The following BAHCC1 variants were observed in gnomAD, a reference collection of about 807,000 sequenced individuals.
BAHCC1 encodes the protein BAH domain and coiled-coil containing 1.
Under a neutral mutation model 88.2 loss-of-function variants are expected in BAHCC1, and 43 were observed. The ratio of observed to expected loss-of-function variants is 0.49; its 90% CI spans 0.38 to 0.63. The LOEUF is 0.63. Among genes scored for constraint, BAHCC1 ranks in the 20% least tolerant of loss-of-function variants. BAHCC1 has a pLI of 0.00. For missense variants in BAHCC1, 3,023 were observed against 1,654.8 expected, an observed-to-expected ratio of 1.83 and a Z score of -14.34; for synonymous variants, 1,510 against 745.5, an observed-to-expected ratio of 2.03 and a Z score of -16.71.
At chr17:81,427,574 G>C (rs1036667848) in intron 3 of BAHCC1, among the ~76,000 whole-genome samples, 124 of 152,234 alleles carry the variant, frequency 8.1e-4, no homozygotes, top group African/African-American at 2.9e-3. Context: ...TGGCCTTTCC[G>C]TGGCAGGGCA....
At chr17:81,462,488 C>T in intron 26 of BAHCC1, 3 of 548,394 alleles carry the variant, frequency 5.5e-6, no homozygotes, top group East Asian at 6.0e-5. Flanking sequence ...TCCACATGTC[C>T]CTGTCCCAGA....
chr17:81,440,384 T>A (rs553421018), intron 4 of BAHCC1, among the ~76,000 whole-genome samples: 40 of 152,348 alleles, frequency 2.6e-4, no homozygotes, highest in African/African-American at 7.7e-4. Context: ...GTTTTGGAAA[T>A]GGAGCTAATT....
rs571581080 is a variant in BAHCC1, at chr17:81,462,788, G to A, written c.7432G>A (p.Val2478Met). The A allele has an allele frequency of 2.2e-5, 17 of 779,418 alleles. No individual in the cohort carries two copies. Among genetic ancestry groups the A allele is most frequent in the South Asian group, 5.4e-5 (4 of 74,540 alleles). 48.3% of individuals were successfully genotyped at this position (779,418 alleles called of 1,614,324 possible). A position where few individuals can be genotyped will look rare whatever the true frequency, so the allele number is the denominator to read the frequency against. Residue 2478 changes from valine to methionine, a missense_variant, in exon 27 of 28, where the codon GTG (valine) becomes ATG (methionine). Physicochemically the swap from Val to Met is conservative, Grantham distance 21. Transcript: ENST00000675386. Reference sequence around the variant, plus strand: ...CCGGAAGCTGTTCTACAAGGCCATCGTGCGGGGCGAGGAGACCCTGCGTGT... The same window carrying A: ...CCGGAAGCTGTTCTACAAGGCCATCATGCGGGGCGAGGAGACCCTGCGTGT... Reference protein sequence around the residue: ...KARKLFYKAIVRGEETLRVGD... With the variant: ...KARKLFYKAIMRGEETLRVGD...
At chr17:81,397,091 T>TCCCCAGGCC (rs2063753399) in intron 1 of BAHCC1, 1 of 151,708 alleles carries the variant, frequency 6.6e-6, no homozygotes. Flanking sequence ...CGCCTCAGGC[T>TCCCCAGGCC]CCCCAGGCCC....
chr17:81,420,770 G>A (rs573091613), intron 2 of BAHCC1, among the ~76,000 whole-genome samples: 12 of 152,242 alleles, frequency 7.9e-5, no homozygotes, highest in South Asian at 6.2e-4. Context: ...CGGTGGCCCC[G>A]CTGACACCGC....
rs782481391 is a variant in BAHCC1 at position 81,452,767 on chromosome 17, G to A, written c.4361G>A (p.Arg1454Gln). Residue 1454 changes from arginine (R) to glutamine (Q), a missense_variant, in exon 14 of 28, where the codon CGG becomes CAG. Physicochemically the swap from Arg to Gln is conservative, Grantham distance 43 (BLOSUM62 1). Transcript: ENST00000675386. Reference sequence around the variant, plus strand: ...AGCCCTGCACGGCGGGGGCCTGGCCGGCCGAGGAAGCGCAAACACTCAAGC... The same window carrying A: ...AGCCCTGCACGGCGGGGGCCTGGCCAGCCGAGGAAGCGCAAACACTCAAGC... The part of the protein sequence containing the change: ...SRSPARRGPG[R>Q]PRKRKHSSSL... 4 of 743,250 alleles carry A rather than the reference G, an allele frequency of 5.4e-6. No homozygotes were observed. The highest frequency in any genetic ancestry group is 1.9e-5 in the Admixed American group (1 of 51,452). The allele number at this position is 743,250 out of a possible 1,614,324, so 46.0% of individuals were successfully genotyped here.
chr17:81,443,120 G>C lies in BAHCC1; in HGVS notation c.1771G>C (p.Gly591Arg), dbSNP rs782153136. ...CCCATGGGGTGTCCAGGCAGGCCAGGGCACCGCCATGGCCATCAGCGAGGA... is the reference window on the plus strand; with the variant it reads ...CCCATGGGGTGTCCAGGCAGGCCAGCGCACCGCCATGGCCATCAGCGAGGA... ...LPPWGVQAGQGTAMAISEERK... is the reference protein window; with the variant it reads ...LPPWGVQAGQRTAMAISEERK... The change falls in exon 5 of 28, where the codon GGC (glycine) becomes CGC (arginine). Residue 591 changes from glycine (G) to arginine (R), a missense_variant. Coordinates refer to ENST00000675386, the MANE Select transcript of BAHCC1 (RefSeq NM_001377448.1). 2.6e-6 allele frequency: 2 copies of C among 777,932 alleles called. No homozygotes were observed. The highest frequency in any genetic ancestry group is 2.4e-5 in the East Asian group (1 of 41,204). The allele number at this position is 777,932 out of a possible 1,614,324, so 48.2% of individuals were successfully genotyped here.
chr17:81,419,400 A>C (rs1274828100), intron 2 of BAHCC1, among the ~76,000 whole-genome samples: 1 of 152,216 alleles, frequency 6.6e-6, no homozygotes, highest in Non-Finnish European at 1.5e-5. Context: ...CGGAATGAGG[A>C]ATGTGGGGCA....
At position 81,459,134 on chromosome 17, in the gene BAHCC1, G is replaced by T; in HGVS notation, c.5686G>T (p.Ala1896Ser). The T allele has an allele frequency of 1.3e-6, 1 of 770,848 alleles. No homozygotes were observed. The highest frequency in any genetic ancestry group is 2.4e-6 in the Non-Finnish European group (1 of 413,844). 47.8% of individuals were successfully genotyped at this position (770,848 alleles called of 1,614,324 possible). A position where few individuals can be genotyped will look rare whatever the true frequency, so the allele number is the denominator to read the frequency against. ...LIPKEDSLLY[A>S]GSVRTLQPPD... ...CCCCAAGGAGGATAGCCTGCTGTAC[G>T]CGGGCAGCGTCAGGACCCTGCAGCC... The change falls in exon 21 of 28, where the codon GCG (alanine) becomes TCG (serine). Residue 1896 changes from alanine (A) to serine (S), a missense_variant. By Grantham distance (99) the Ala-to-Ser change is moderately conservative (BLOSUM62 1). Transcript: ENST00000675386.
At chr17:81,455,907 G>A (rs782655194) in intron 15 of BAHCC1, among the ~76,000 whole-genome samples, 9 of 152,276 alleles carry the variant, frequency 5.9e-5, no homozygotes, top group African/African-American at 1.9e-4. Flanking sequence ...TGGCCTCGGC[G>A]GGGCTGGTGA....
intron 2 of BAHCC1, among the ~76,000 whole-genome samples, chr17:81,419,226 G>T (rs1330905619): frequency 6.6e-6 from 1 of 152,188 alleles, no homozygotes; most frequent in African/African-American, 2.4e-5. Context: ...GTCCCAGAGT[G>T]GCCTCTCACC....
chr17:81,454,651 C>G (rs951382714), intron 14 of BAHCC1, among the ~76,000 whole-genome samples: 1 of 152,116 alleles, frequency 6.6e-6, no homozygotes, highest in Non-Finnish European at 1.5e-5. Context: ...CAAACCTGCC[C>G]GGTGCCTGCC....
At position 81,435,142 on chromosome 17, in the gene BAHCC1, C is replaced by T. The variant is rs2143465839; in HGVS notation, c.359-3228C>T. Reference sequence around the variant, plus strand: ...ACTGCCCACTCTCTCTCCTCCTGCCCACACCACAGGCCTCCTACCTGCAAC... The same window carrying T: ...ACTGCCCACTCTCTCTCCTCCTGCCTACACCACAGGCCTCCTACCTGCAAC... On this transcript the variant is annotated intron_variant, in intron 3 of 27. Transcript: ENST00000675386. This position sits in a 1 kb window ranked among gnomAD's most constrained non-coding sequence, Gnocchi z 4.4. 6.6e-6 allele frequency among the ~76,000 whole-genome samples: 1 copy of T among 152,182 alleles called. No individual in the cohort carries two copies. Among genetic ancestry groups the T allele is most frequent in the East Asian group, 1.9e-4 (1 of 5,168 alleles).
intron 4 of BAHCC1, among the ~76,000 whole-genome samples, chr17:81,438,694 C>T (rs1229468324): frequency 6.6e-6 from 1 of 152,164 alleles, no homozygotes; most frequent in Non-Finnish European, 1.5e-5. Context: ...CCCCCAGGCG[C>T]AGGTTCAGTT....
chr17:81,398,820 T>TG (rs1555645321), intron 1 of BAHCC1, among the ~76,000 whole-genome samples: 1 of 149,444 alleles, frequency 6.7e-6, no homozygotes. Context: ...AGCGCGATGC[T>TG]GGGGACAGGA....
At chr17:81,410,288 C>T (rs11656171) in intron 2 of BAHCC1, among the ~76,000 whole-genome samples, 8 of 152,122 alleles carry the variant, frequency 5.3e-5, no homozygotes, top group East Asian at 1.9e-4. Flanking sequence ...GGGCCTCCCC[C>T]CTGGGCAGCA....
At chr17:81,460,472 G>A in intron 24 of BAHCC1, 58 bp from the exon 25 acceptor site, 1 of 726,202 alleles carries the variant, frequency 1.4e-6, no homozygotes, top group East Asian at 2.6e-5. Context: ...AGGAAGGGTT[G>A]GGGTGGCAGT....
Position 81,458,894 on chromosome 17 carries a change from T to C in BAHCC1, c.5530T>C (p.Ser1844Pro), listed in dbSNP as rs1555658320. 2.6e-6 allele frequency: 2 copies of C among 774,228 alleles called. No individual in the cohort carries two copies. The highest frequency in any genetic ancestry group is 2.7e-5 in the South Asian group (2 of 74,290). The allele number at this position is 774,228 out of a possible 1,614,324, so 48.0% of individuals were successfully genotyped here. Residue 1844 changes from serine to proline, a missense_variant, in exon 20 of 28, where the codon TCG becomes CCG. Physicochemically the swap from Ser to Pro is moderately conservative, Grantham distance 74 (BLOSUM62 -1). Transcript: ENST00000675386. ...TGAGTTCGACGACAACAGCAGCTTCTCGGAAGAGGAGGAGGACGAGGAGGA... is the reference window on the plus strand; with the variant it reads ...TGAGTTCGACGACAACAGCAGCTTCCCGGAAGAGGAGGAGGACGAGGAGGA... ...DFEFDDNSSF[S>P]EEEEDEEEEE...
Position 81,425,221 on chromosome 17 carries a change from T to TTGGGGGTGATG in BAHCC1, c.179-1576_179-1575insGGGTGATGTGG, listed in dbSNP as rs1428006707. On this transcript the variant is annotated intron_variant, in intron 2 of 27. Coordinates refer to ENST00000675386, the MANE Select transcript of BAHCC1 (RefSeq NM_001377448.1). The stretch of plus-strand genomic sequence containing the variant: ...TTGGTGATGATGGTGGGTGATGTGG[T>TTGGGGGTGATG]TGGTGGTGATGTGGTTGGGGGTGAT... Among the ~76,000 whole-genome samples, 25 of 96,212 alleles carry TTGGGGGTGATG rather than the reference T, an allele frequency of 2.6e-4. 1 individual carries two copies. The highest frequency in any genetic ancestry group is 8.9e-4 in the African/African-American group (20 of 22,422). The allele number at this position is 96,212 out of a possible 152,430, so 63.1% of individuals were successfully genotyped here.
Sources: allele counts gnomAD v4.1 joint callset (sites outside exome capture counted in the v4.1 genomes callset), GRCh38; gene constraint gnomAD v4.1.1; non-coding constraint Gnocchi (gnomAD v3.1); transcripts MANE v1.5; gene names NCBI Gene and HGNC (gene_info 2026-07-23, HGNC 2026-07-21).